RPTOR: variants seen among roughly 807,000 people sequenced by gnomAD.
The protein encoded by RPTOR is regulatory-associated protein of mTOR.
RPTOR carries 21 observed loss-of-function variants against 169.9 expected under a neutral mutation model. The observed-to-expected ratio is 0.12, with a 90% confidence interval of 0.09 to 0.18. RPTOR has a LOEUF of 0.18. RPTOR is among the 10% of genes least tolerant of loss of function. The pLI is 1.00. For synonymous variants in RPTOR, 732 were observed against 753.2 expected, an observed-to-expected ratio of 0.97 and a Z score of 0.46; for missense variants, 1,133 against 1,855.9, an observed-to-expected ratio of 0.61 and a Z score of 7.16.
intron 9 of RPTOR, among the ~76,000 whole-genome samples, chr17:80,837,217 T>G (rs2067573843): frequency 6.6e-6 from 1 of 152,036 alleles, no homozygotes; most frequent in Non-Finnish European, 1.5e-5. Flanking sequence ...GGGTCATCTG[T>G]GGAGCCACTG....
intron 3 of RPTOR, among the ~76,000 whole-genome samples, chr17:80,697,944 G>A (rs1203716665): frequency 2.6e-5 from 4 of 152,176 alleles, no homozygotes; most frequent in African/African-American, 4.8e-5. Context: ...GTGACCCACT[G>A]GGCACCAGGG....
rs561793562 is a variant in RPTOR at position 80,613,666 on chromosome 17, C to T, written c.163-12025C>T. 3.2e-3 allele frequency among the ~76,000 whole-genome samples: 463 copies of T among 143,192 alleles called. 3 individuals are homozygous for T. The highest frequency in any genetic ancestry group is 0.011 in the African/African-American group (418 of 36,636). The allele number at this position is 143,192 out of a possible 152,430, so 93.9% of individuals were successfully genotyped here. ...GTGGTGTTGGACTCGGGCTGGGCCG[C>T]GTGTTGTGTGGACACAGGTGCTCTC... On this transcript the variant is annotated intron_variant, in intron 1 of 33. Transcript: ENST00000306801.
intron 7 of RPTOR, among the ~76,000 whole-genome samples, chr17:80,818,705 C>T (rs1314099344): frequency 2.0e-5 from 3 of 152,162 alleles, no homozygotes; most frequent in Non-Finnish European, 4.4e-5. Context: ...GGGCAGATGA[C>T]TCTGTCTGGT....
chr17:80,825,911 G>A (rs1422728249), intron 9 of RPTOR, among the ~76,000 whole-genome samples: 1 of 152,190 alleles, frequency 6.6e-6, no homozygotes, highest in African/African-American at 2.4e-5. Context: ...TGGGCTGTCT[G>A]GGAAGTAGAC....
At chr17:80,622,542 ATGTC>A (rs1164392059) in intron 1 of RPTOR, among the ~76,000 whole-genome samples, 1 of 152,214 alleles carries the variant, frequency 6.6e-6, no homozygotes, top group African/African-American at 2.4e-5. Flanking sequence ...CTTCTGTTAC[ATGTC>A]TGTGGGAAGA....
intron 3 of RPTOR, among the ~76,000 whole-genome samples, chr17:80,661,388 G>C (rs1052144457): frequency 3.9e-5 from 6 of 152,208 alleles, no homozygotes; most frequent in African/African-American, 1.2e-4. Context: ...CGCCAGGCCA[G>C]CTCTCTAGGT....
In RPTOR at chr17:80,908,949, C is replaced by T; in HGVS notation, c.2520+20C>T. 6.5e-7 allele frequency: 1 copy of T among 1,538,138 alleles called. No homozygotes were observed. On this transcript the variant is annotated intron_variant, in intron 21 of 33. Transcript: ENST00000306801. ...TACAAGGTACGTGCCGGGCGCTCCCCACCGCGCTCCAGCTGCTGGTTCTCG... is the reference window on the plus strand; with the variant it reads ...TACAAGGTACGTGCCGGGCGCTCCCTACCGCGCTCCAGCTGCTGGTTCTCG...
intron 1 of RPTOR, among the ~76,000 whole-genome samples, chr17:80,563,551 C>T (rs146673003): frequency 1.1e-5 from 1 of 93,866 alleles, no homozygotes; most frequent in Non-Finnish European, 1.9e-5. Flanking sequence ...GATAACACAG[C>T]GAGACTAAGT....
chr17:80,961,541 T>C, intron 31 of RPTOR, 61 bp downstream of exon 31: 2 of 1,493,790 alleles, frequency 1.3e-6, no homozygotes, highest in Non-Finnish European at 9.1e-7. Flanking sequence ...CCCCTCCATT[T>C]AAAATACGTC....
chr17:80,925,036 G>A (rs2068794367), intron 23 of RPTOR, among the ~76,000 whole-genome samples: 1 of 152,208 alleles, frequency 6.6e-6, no homozygotes, highest in African/African-American at 2.4e-5. Flanking sequence ...GAGGCTTTTT[G>A]GGGGTTGATA....
intron 1 of RPTOR, 79 bp from the exon 2 acceptor site, chr17:80,625,612 G>C: frequency 8.9e-7 from 1 of 1,120,418 alleles, no homozygotes; most frequent in Admixed American, 1.8e-5. Flanking sequence ...TGTTCTGGGG[G>C]ACATTTTAAA....
chr17:80,618,043 T>A (rs1350032969), intron 1 of RPTOR, among the ~76,000 whole-genome samples: 1 of 151,404 alleles, frequency 6.6e-6, no homozygotes, highest in Non-Finnish European at 1.5e-5. Flanking sequence ...TGCAGTGGTG[T>A]GATCTCGGCT....
rs1203797451 is a variant in RPTOR at position 80,936,484 on chromosome 17, CA to C, written c.2920-4010del. ...CACCTCGTAAAGAGAGAAGCTGATA[CA>C]ACCATACAATGAAAGACTCATCAGA... On this transcript the variant is annotated intron_variant, in intron 24 of 33. Coordinates refer to ENST00000306801, the MANE Select transcript of RPTOR (RefSeq NM_020761.3). This position sits in a 1 kb window ranked among gnomAD's most constrained non-coding sequence, Gnocchi z 4.1. Among the ~76,000 whole-genome samples the C allele has an allele frequency of 6.6e-6, 1 of 152,174 alleles. No individual in the cohort carries two copies. The highest frequency in any genetic ancestry group is 1.5e-5 in the Non-Finnish European group (1 of 68,030).
intron 24 of RPTOR, among the ~76,000 whole-genome samples, chr17:80,932,866 C>CA (rs2068915189): frequency 1.3e-5 from 2 of 152,266 alleles, no homozygotes; most frequent in African/African-American, 4.8e-5. Context: ...TAAGCCACCA[C>CA]AAACCAAAGA....
At chr17:80,851,421 T>C (rs191473302) in intron 11 of RPTOR, among the ~76,000 whole-genome samples, 1 of 152,328 alleles carries the variant, frequency 6.6e-6, no homozygotes, top group East Asian at 1.9e-4. Context: ...ATTTTAAAAA[T>C]AACTTTGCTT....
intron 1 of RPTOR, among the ~76,000 whole-genome samples, chr17:80,583,621 T>A (rs2065035851): frequency 3.3e-5 from 5 of 152,170 alleles, no homozygotes. Flanking sequence ...TCCCGCCTCT[T>A]GCCTTCAGTC....
intron 2 of RPTOR, among the ~76,000 whole-genome samples, chr17:80,643,302 G>A (rs2065567941): frequency 6.6e-6 from 1 of 152,154 alleles, no homozygotes; most frequent in African/African-American, 2.4e-5. Flanking sequence ...TAATTAAAAA[G>A]TATCACTTCT....
chr17:80,908,332 CTGGAGGTGGACAGGAAGCACG>C (rs1480241600), intron 20 of RPTOR, among the ~76,000 whole-genome samples: 1 of 152,188 alleles, frequency 6.6e-6, no homozygotes, highest in Non-Finnish European at 1.5e-5. Flanking sequence ...GGGCCAGTGC[CTGGAGGTGGACAGGAAGCACG>C]TGGAGGTGGG....
At chr17:80,830,548 C>T (rs778997002) in intron 9 of RPTOR, among the ~76,000 whole-genome samples, 2 of 152,228 alleles carry the variant, frequency 1.3e-5, no homozygotes, top group African/African-American at 4.8e-5. Flanking sequence ...CGGGCTGCTG[C>T]GCCCCACGGT....
Sources: allele counts gnomAD v4.1 joint callset (sites outside exome capture counted in the v4.1 genomes callset), GRCh38; gene constraint gnomAD v4.1.1; non-coding constraint Gnocchi (gnomAD v3.1); transcripts MANE v1.5; gene names NCBI Gene and HGNC (gene_info 2026-07-23, HGNC 2026-07-21).